The following CDS2 variants were observed in gnomAD, a reference collection of about 807,000 sequenced individuals.
The protein encoded by CDS2 is CDP-diacylglycerol synthase 2, also known as phosphatidate cytidylyltransferase 2.
A neutral mutation model predicts 59.0 loss-of-function variants in CDS2; 47 were observed. The observed-to-expected ratio is 0.80, with a 90% CI of 0.63 to 1.02. CDS2 has a LOEUF of 1.02. CDS2 is among the 50% of genes least tolerant of loss of function. CDS2 has a pLI of 0.00. For synonymous variants in CDS2, 207 were observed against 206.4 expected, an observed-to-expected ratio of 1.00 and a Z score of -0.02; for missense variants, 356 against 558.9, an observed-to-expected ratio of 0.64 and a Z score of 3.66.
chr20:5,160,253 A>G (rs1274197821), intron 1 of CDS2, among the ~76,000 whole-genome samples: 2 of 152,192 alleles, frequency 1.3e-5, no homozygotes, highest in Non-Finnish European at 2.9e-5. Context: ...TAGCCCTGCA[A>G]CTACTTAACA....
intron 1 of CDS2, among the ~76,000 whole-genome samples, chr20:5,150,966 C>G (rs2090784458): frequency 6.6e-6 from 1 of 152,194 alleles, no homozygotes; most frequent in African/African-American, 2.4e-5. Context: ...CACCTTCTGA[C>G]TTGGTCAAGA....
chr20:5,149,926 G>A (rs1276820764), intron 1 of CDS2, among the ~76,000 whole-genome samples: 1 of 151,838 alleles, frequency 6.6e-6, no homozygotes, highest in Admixed American at 6.6e-5. Flanking sequence ...TGTTGGTCAG[G>A]CTGTTCTCGA....
At chr20:5,129,642 A>G (rs112105780) in intron 1 of CDS2, among the ~76,000 whole-genome samples, 4,714 of 151,944 alleles carry the variant, frequency 0.031, 230 homozygotes, top group African/African-American at 0.11. Flanking sequence ...CGGCTTCTCA[A>G]TGTTGGTCAG....
At chr20:5,175,070 G>A (rs1049114029) in intron 2 of CDS2, 113 bp from the exon 3 acceptor site, 3 of 775,734 alleles carry the variant, frequency 3.9e-6, no homozygotes, top group Non-Finnish European at 6.8e-6. Flanking sequence ...AATCTGGAAA[G>A]GACTGAGCTC....
At chr20:5,186,392 C>T (rs935308405) in intron 9 of CDS2, among the ~76,000 whole-genome samples, 1 of 152,154 alleles carries the variant, frequency 6.6e-6, no homozygotes, top group Admixed American at 6.5e-5. Flanking sequence ...GTCCTAGCTC[C>T]CCAAATGGGG....
intron 5 of CDS2, among the ~76,000 whole-genome samples, chr20:5,180,258 C>G (rs375902278): frequency 6.6e-6 from 1 of 151,656 alleles, no homozygotes; most frequent in Admixed American, 6.6e-5. Context: ...ATGTGGATCC[C>G]TCTTCTCCCA....
At chr20:5,146,447 T>G (rs1343913381) in intron 1 of CDS2, among the ~76,000 whole-genome samples, 2 of 152,138 alleles carry the variant, frequency 1.3e-5, no homozygotes, top group Non-Finnish European at 2.9e-5. Flanking sequence ...CAGTGTCAAG[T>G]GCAATGGGAG....
At chr20:5,163,787 C>CTTTTTTTTTTT (rs1568536682) in intron 1 of CDS2, among the ~76,000 whole-genome samples, 1 of 115,896 alleles carries the variant, frequency 8.6e-6, no homozygotes. Flanking sequence ...TAATTTCTTT[C>CTTTTTTTTTTT]TTTCTTTTTT....
intron 10 of CDS2, among the ~76,000 whole-genome samples, chr20:5,188,147 G>C (rs1327085264): frequency 6.6e-6 from 1 of 152,042 alleles, no homozygotes; most frequent in African/African-American, 2.4e-5. Flanking sequence ...ACATTTGGAA[G>C]ATTTACATAA....
chr20:5,180,752 C>G (rs2091028058), intron 5 of CDS2, among the ~76,000 whole-genome samples: 1 of 152,162 alleles, frequency 6.6e-6, no homozygotes, highest in South Asian at 2.1e-4. Context: ...TGGAGTTGCT[C>G]TAGCTCAAAT....
At chr20:5,190,009 T>C in intron 12 of CDS2, 93 bp from the exon 13 acceptor site, 2 of 1,522,708 alleles carry the variant, frequency 1.3e-6, no homozygotes, top group Non-Finnish European at 1.8e-6. Context: ...TAGATAACTC[T>C]CTGATCCAGA....
At chr20:5,143,566 G>A (rs1239255458) in intron 1 of CDS2, among the ~76,000 whole-genome samples, 1 of 151,648 alleles carries the variant, frequency 6.6e-6, no homozygotes, top group Admixed American at 6.6e-5. Context: ...AGGAACATGA[G>A]TGTACAAATA....
At chr20:5,130,887 C>T (rs1309928152) in intron 1 of CDS2, among the ~76,000 whole-genome samples, 3 of 151,118 alleles carry the variant, frequency 2.0e-5, no homozygotes, top group Non-Finnish European at 1.5e-5. Flanking sequence ...GTTAGGAGAT[C>T]GAGACCATCC....
At chr20:5,159,922 A>T (rs1377521395) in intron 1 of CDS2, among the ~76,000 whole-genome samples, 3 of 152,246 alleles carry the variant, frequency 2.0e-5, no homozygotes, top group Non-Finnish European at 4.4e-5. Flanking sequence ...ATTTTTAAAA[A>T]TGAAGTAAAA....
intron 1 of CDS2, among the ~76,000 whole-genome samples, chr20:5,155,883 G>A (rs1051689425): frequency 1.3e-5 from 2 of 152,142 alleles, no homozygotes; most frequent in African/African-American, 4.8e-5. Flanking sequence ...TGAGAGTAAA[G>A]GGGGAGATGA....
intron 1 of CDS2, among the ~76,000 whole-genome samples, chr20:5,158,965 TGA>T: frequency 6.6e-6 from 1 of 152,280 alleles, no homozygotes; most frequent in South Asian, 2.1e-4. Context: ...CAGGTGAGGG[TGA>T]GGCACTTGAT....
chr20:5,153,372 C>T (rs1397774485), intron 1 of CDS2, among the ~76,000 whole-genome samples: 1 of 152,126 alleles, frequency 6.6e-6, no homozygotes, highest in East Asian at 1.9e-4. Flanking sequence ...AAAATGGCAC[C>T]AGTCCCAGGG....
intron 1 of CDS2, among the ~76,000 whole-genome samples, chr20:5,129,557 C>T (rs1425326617): frequency 1.3e-5 from 2 of 151,968 alleles, no homozygotes; most frequent in African/African-American, 2.4e-5. Flanking sequence ...ATTCTCCTGC[C>T]TCAGCCGCCC....
intron 1 of CDS2, among the ~76,000 whole-genome samples, chr20:5,134,040 T>C (rs2090629094): frequency 1.3e-5 from 2 of 152,316 alleles, no homozygotes; most frequent in South Asian, 4.1e-4. Context: ...TGGAGACTCT[T>C]TGCAGAAAAA....
Sources: allele counts gnomAD v4.1 joint callset (sites outside exome capture counted in the v4.1 genomes callset), GRCh38; gene constraint gnomAD v4.1.1; transcripts MANE v1.5; gene names NCBI Gene and HGNC (gene_info 2026-07-23, HGNC 2026-07-21).